The following COL4A6 variants were observed in gnomAD, a reference collection of about 807,000 sequenced individuals.
The protein encoded by COL4A6 is collagen type IV alpha 6 chain.
COL4A6 carries 59 observed loss-of-function variants against 126.7 expected under a neutral mutation model. That is an observed-to-expected ratio of 0.47 (90% CI 0.38 to 0.58). The LOEUF (loss-of-function observed/expected upper bound fraction) is 0.58, where lower values mean the gene tolerates loss of function less well. COL4A6 is among the 20% of genes least tolerant of loss of function. The pLI, the probability that COL4A6 is intolerant of heterozygous loss-of-function variation, is 0.00. For synonymous variants in COL4A6, 547 were observed against 496.6 expected (o/e 1.10, Z -1.35); for missense variants, 1,285 against 1,337.3 (o/e 0.96, Z 0.61).
chrX:108,421,797 T>A (rs1305847776), intron 2 of COL4A6, among the ~76,000 whole-genome samples: 2 of 111,703 alleles, frequency 1.8e-5, no homozygotes, highest in Non-Finnish European at 3.8e-5. Context: ...ACCAAATTTA[T>A]GATGGTGGAG....
chrX:108,244,984 C>G (rs140472439), intron 3 of COL4A6, among the ~76,000 whole-genome samples: 1 of 112,190 alleles, frequency 8.9e-6, no homozygotes, highest in East Asian at 2.8e-4. Context: ...CAGGCCTTCA[C>G]AAATTCTCTT....
chrX:108,217,694 A>C (rs1230192317), intron 5 of COL4A6, among the ~76,000 whole-genome samples: 1 of 111,594 alleles, frequency 9.0e-6, no homozygotes, highest in Non-Finnish European at 1.9e-5. Flanking sequence ...AGAGGTAAGC[A>C]CTGAACAGAA....
At chrX:108,299,859 T>A (rs1358446724) in intron 3 of COL4A6, among the ~76,000 whole-genome samples, 1 of 111,915 alleles carries the variant, frequency 8.9e-6, no homozygotes, top group Non-Finnish European at 1.9e-5. Context: ...TAATTCAGGA[T>A]AAGGGCACAA....
At chrX:108,275,497 T>C (rs1287773819) in intron 3 of COL4A6, among the ~76,000 whole-genome samples, 1 of 112,567 alleles carries the variant, frequency 8.9e-6, no homozygotes, top group East Asian at 2.8e-4. Context: ...ATGAGTTAAT[T>C]CTTGATTCCA....
At chrX:108,317,831 C>G (rs1453345192) in intron 2 of COL4A6, among the ~76,000 whole-genome samples, 1 of 111,888 alleles carries the variant, frequency 8.9e-6, no homozygotes, top group Non-Finnish European at 1.9e-5. Context: ...GTGACTGTAG[C>G]CTTGTAGTAT....
intron 18 of COL4A6, 34 bp from the exon 19 acceptor site, chrX:108,191,567 A>G (rs755507195): frequency 8.4e-7 from 1 of 1,187,919 alleles, no homozygotes; most frequent in Non-Finnish European, 1.1e-6. Context: ...AATGCTCATT[A>G]TATCACCTTA....
intron 3 of COL4A6, among the ~76,000 whole-genome samples, chrX:108,271,131 C>T (rs912126704): frequency 5.3e-5 from 6 of 112,320 alleles, no homozygotes; most frequent in Non-Finnish European, 1.1e-4. Context: ...GTCTTGTGGG[C>T]TGTGGCCGGC....
chrX:108,314,566 G>A (rs1231443753), intron 2 of COL4A6, among the ~76,000 whole-genome samples: 1 of 111,806 alleles, frequency 8.9e-6, no homozygotes, highest in African/African-American at 3.3e-5. Flanking sequence ...AGACCATAAC[G>A]TTTATAAGGG....
intron 2 of COL4A6, among the ~76,000 whole-genome samples, chrX:108,372,027 C>T (rs756102400): frequency 6.3e-5 from 7 of 111,188 alleles, no homozygotes; most frequent in Admixed American, 3.8e-4. Flanking sequence ...TTCCCCTGCA[C>T]AGACTTAAAC....
chrX:108,200,912 T>C (rs1304411359), intron 13 of COL4A6, among the ~76,000 whole-genome samples: 1 of 112,064 alleles, frequency 8.9e-6, no homozygotes, highest in Non-Finnish European at 1.9e-5. Flanking sequence ...AGTATAAATA[T>C]GACCATTGTC....
intron 28 of COL4A6, 88 bp downstream of exon 28, chrX:108,176,753 T>C (rs1243979099): frequency 2.0e-6 from 2 of 999,900 alleles, no homozygotes; most frequent in African/African-American, 3.8e-5. Context: ...CCATTTCCCA[T>C]TCCTAGGCAG....
intron 13 of COL4A6, among the ~76,000 whole-genome samples, chrX:108,198,329 A>G (rs1036801499): frequency 5.4e-5 from 6 of 111,311 alleles, no homozygotes; most frequent in Non-Finnish European, 1.1e-4. Flanking sequence ...TCTTGCCCTC[A>G]GTTGTAAATA....
At chrX:108,330,930 T>C (rs1304823764) in intron 2 of COL4A6, among the ~76,000 whole-genome samples, 1 of 110,719 alleles carries the variant, frequency 9.0e-6, no homozygotes, top group Non-Finnish European at 1.9e-5. Flanking sequence ...AAGAGGGGAG[T>C]CTATTTTTAC....
rs1187466125 is a variant in COL4A6 at position 108,191,415 on chromosome X, T to G, written c.1299A>C (p.Pro433=). The change falls in exon 19 of 45, where the codon CCA becomes CCC. Residue 433 remains proline, a synonymous_variant. Coordinates refer to ENST00000334504, the MANE Select transcript of COL4A6 (RefSeq NM_033641.4). ...TACTAGGTGGGCCTGGTGGACCTGG[T>G]GGGCCTGGCAAACCATCTCTGCCAG... is the stretch of plus-strand genomic sequence containing the variant. ...GLPGRDGLPG[P]PGPPGPPSPE... The G allele has an allele frequency of 1.5e-5, 18 of 1,208,805 alleles. No individual in the cohort carries two copies. The highest frequency in any genetic ancestry group is 1.9e-5 in the Non-Finnish European group (17 of 894,734).
At chrX:108,211,139 G>T (rs750953868) in intron 7 of COL4A6, among the ~76,000 whole-genome samples, 13 of 111,823 alleles carry the variant, frequency 1.2e-4, no homozygotes, top group African/African-American at 4.2e-4. Flanking sequence ...AACACAGAAG[G>T]TTCTTGTCAA....
At chrX:108,369,455 A>G (rs2040274764) in intron 2 of COL4A6, among the ~76,000 whole-genome samples, 1 of 111,872 alleles carries the variant, frequency 8.9e-6, no homozygotes, top group Non-Finnish European at 1.9e-5. Context: ...TCTGTTAAAA[A>G]CTGTCTCCTC....
intron 41 of COL4A6, among the ~76,000 whole-genome samples, chrX:108,162,030 C>G (rs1334407319): frequency 8.9e-6 from 1 of 112,343 alleles, no homozygotes; most frequent in African/African-American, 3.2e-5. Flanking sequence ...TTATGCAGGG[C>G]AACGGCGAGC....
intron 2 of COL4A6, among the ~76,000 whole-genome samples, chrX:108,418,544 G>C (rs1000498529): frequency 2.7e-5 from 3 of 111,716 alleles, no homozygotes; most frequent in Admixed American, 1.9e-4. Context: ...AAATAACTCT[G>C]TAAGAAAATG....
At chrX:108,282,283 C>T (rs2037860349) in intron 3 of COL4A6, among the ~76,000 whole-genome samples, 1 of 98,760 alleles carries the variant, frequency 1.0e-5, no homozygotes, top group African/African-American at 3.6e-5. Context: ...CTACAATGAA[C>T]TCAAACAAAT....
Sources: gnomAD v4.1 joint callset for allele counts (sites outside exome capture counted in the v4.1 genomes callset) on GRCh38, gnomAD v4.1.1 for gene constraint, MANE v1.5 for transcripts, NCBI Gene and HGNC (gene_info 2026-07-23, HGNC 2026-07-21) for gene names.